The following DHX9 variants were observed in gnomAD, a reference collection of about 807,000 sequenced individuals.
DHX9 encodes DExH-box helicase 9.
A neutral mutation model predicts 148.7 loss-of-function variants in DHX9; 27 were observed. That is an observed-to-expected ratio of 0.18 (90% CI 0.13 to 0.25). DHX9 has a LOEUF of 0.25. Ranked by LOEUF, DHX9 falls within the 10% of genes least tolerant of loss-of-function variation. The pLI is 1.00. For missense variants in DHX9, 796 were observed against 1,559.6 expected (o/e 0.51, Z 8.25); for synonymous variants, 529 against 516.6 (o/e 1.02, Z -0.33).
Position 182,859,919 on chromosome 1 carries a change from T to TTA in DHX9, c.1141-73_1141-72insAT, listed in dbSNP as rs576407145. 2.2e-4 allele frequency: 323 copies of TTA among 1,473,344 alleles called. No individual in the cohort carries two copies. The East Asian group carries it at 4.8e-3, about 22-fold the overall frequency. 91.3% of individuals were successfully genotyped at this position (1,473,344 alleles called of 1,614,324 possible). On this transcript the variant is annotated intron_variant, in intron 11 of 27. Coordinates refer to ENST00000367549, the MANE Select transcript of DHX9 (RefSeq NM_001357.5). ...GCGCCCAGTCTATAGAGATGGAAGT[T>TTA]TTTTAAAGGATCAAGACAGTTGCTT... is the stretch of plus-strand genomic sequence containing the variant.
At chr1:182,883,682 A>C in intron 26 of DHX9, 47 bp downstream of exon 26, 1 of 1,341,904 alleles carries the variant, frequency 7.5e-7, no homozygotes, top group South Asian at 1.2e-5. Context: ...TTAGAATTAC[A>C]ATATGATGGA....
At chr1:182,865,314 G>A (rs1342895151) in intron 12 of DHX9, among the ~76,000 whole-genome samples, 2 of 152,168 alleles carry the variant, frequency 1.3e-5, no homozygotes, top group African/African-American at 4.8e-5. Flanking sequence ...GCAGAGCACT[G>A]TGTCTGTATC....
chr1:182,869,965 A>G (rs1648488916), intron 14 of DHX9, among the ~76,000 whole-genome samples: 1 of 152,150 alleles, frequency 6.6e-6, no homozygotes, highest in South Asian at 2.1e-4. Context: ...TACATAGAAA[A>G]CCCAAGTGCA....
At chr1:182,870,916 T>C (rs950465034) in intron 14 of DHX9, among the ~76,000 whole-genome samples, 1 of 152,198 alleles carries the variant, frequency 6.6e-6, no homozygotes, top group Non-Finnish European at 1.5e-5. Flanking sequence ...ATTTTTCTTA[T>C]GGTGTGTTCA....
chr1:182,879,477 A>G, intron 21 of DHX9, 67 bp downstream of exon 21: 1 of 1,312,706 alleles, frequency 7.6e-7, no homozygotes, highest in Non-Finnish European at 1.0e-6. Flanking sequence ...TCTGGCAGAT[A>G]ACACTTACAA....
chr1:182,878,287 T>G, intron 20 of DHX9, 114 bp downstream of exon 20: 1 of 1,207,426 alleles, frequency 8.3e-7, no homozygotes, highest in South Asian at 1.5e-5. Flanking sequence ...TTGCCAGCCA[T>G]GTTGGAATCA....
rs557057717 is a variant in DHX9 at position 182,851,252 on chromosome 1, G to T, written c.253-981G>T. On this transcript the variant is annotated intron_variant, in intron 3 of 27. Coordinates refer to ENST00000367549, the MANE Select transcript of DHX9 (RefSeq NM_001357.5). ...AGACATGTTGCTATATATATTGGCA[G>T]AAGCAAAGTGGTAATGTGAAAAAGT... 3.3e-5 allele frequency among the ~76,000 whole-genome samples: 5 copies of T among 152,294 alleles called. No individual in the cohort carries two copies. In the South Asian group the frequency reaches 1.0e-3, roughly 32 times the overall value.
At chr1:182,856,709 G>T in intron 7 of DHX9, 131 bp downstream of exon 7, 1 of 684,134 alleles carries the variant, frequency 1.5e-6, no homozygotes, top group Non-Finnish European at 2.4e-6. Context: ...AGCATCTAGG[G>T]TATATTTTAG....
chr1:182,842,133 C>T (rs1271647147), intron 1 of DHX9, among the ~76,000 whole-genome samples: 1 of 152,160 alleles, frequency 6.6e-6, no homozygotes, highest in Non-Finnish European at 1.5e-5. Flanking sequence ...TAGTTTCTTA[C>T]TTCCTGAAAA....
chr1:182,847,180 C>T (rs1668047447), intron 3 of DHX9, among the ~76,000 whole-genome samples: 1 of 152,072 alleles, frequency 6.6e-6, no homozygotes, highest in South Asian at 2.1e-4. Context: ...AAAATCCTTG[C>T]CTACTACTAC....
Position 182,883,156 on chromosome 1 carries a change from G to T in DHX9, c.2932G>T (p.Val978Leu). ...GFPEDCLLTQ[V>L]FTNTGPDNNL... ...CTTAACAGATTGTTTGTTGACACAA[G>T]TGTTTACTAACACTGGACCAGATAA... The change falls in exon 25 of 28, where the codon GTG becomes TTG. Residue 978 changes from valine (V) to leucine (L), a missense_variant. Physicochemically the swap from Val to Leu is conservative, Grantham distance 32. Coordinates refer to ENST00000367549, the MANE Select transcript of DHX9 (RefSeq NM_001357.5). 6.2e-7 allele frequency: 1 copy of T among 1,613,930 alleles called. No individual in the cohort carries two copies. The highest frequency in any genetic ancestry group is 8.5e-7 in the Non-Finnish European group (1 of 1,179,818).
In DHX9 at chr1:182,883,126, C is replaced by T. The variant is rs781460170; in HGVS notation, c.2915-13C>T. 1 of 1,595,252 alleles carries T rather than the reference C, an allele frequency of 6.3e-7. No individual in the cohort carries two copies. The highest frequency in any genetic ancestry group is 1.7e-5 in the Admixed American group (1 of 59,880). ...TTATCTGATTTTTGTTTTCACTGTG[C>T]TCCTCTTAACAGATTGTTTGTTGAC... On this transcript the variant is annotated splice_polypyrimidine_tract_variant and intron_variant, in intron 24 of 27. Coordinates refer to ENST00000367549, the MANE Select transcript of DHX9 (RefSeq NM_001357.5).
At chr1:182,886,767 C>T (rs1021238773) in intron 27 of DHX9, among the ~76,000 whole-genome samples, 2 of 152,158 alleles carry the variant, frequency 1.3e-5, no homozygotes, top group Non-Finnish European at 2.9e-5. Flanking sequence ...TTGGCAGCTC[C>T]AGGAACCCTC....
At chr1:182,859,019 T>C (rs779858668) in intron 10 of DHX9, 21 bp from the exon 11 acceptor site, 7 of 1,613,180 alleles carry the variant, frequency 4.3e-6, no homozygotes, top group Non-Finnish European at 5.9e-6. Context: ...TGTTTGACTA[T>C]GTTGGCTTTT....
chr1:182,884,947 G>C, intron 27 of DHX9, 134 bp downstream of exon 27: 1 of 768,356 alleles, frequency 1.3e-6, no homozygotes, highest in Non-Finnish European at 2.1e-6. Flanking sequence ...TATATAGATA[G>C]AGAGTTTGAT....
intron 19 of DHX9, 183 bp downstream of exon 19, chr1:182,877,086 A>C (rs1383815004): frequency 4.1e-6 from 2 of 493,036 alleles, no homozygotes; most frequent in Admixed American, 3.8e-5. Flanking sequence ...TGATTACTGC[A>C]AATCAGTTAC....
intron 3 of DHX9, among the ~76,000 whole-genome samples, chr1:182,850,320 C>T (rs79370477): frequency 0.06 from 9,091 of 151,968 alleles, 383 homozygotes; most frequent in African/African-American, 0.12. Flanking sequence ...AGAAAAATGG[C>T]GTGGTGGCTC....
At chr1:182,850,943 G>A (rs765927901) in intron 3 of DHX9, among the ~76,000 whole-genome samples, 7 of 152,088 alleles carry the variant, frequency 4.6e-5, no homozygotes, top group African/African-American at 9.7e-5. Flanking sequence ...ATTCTCATAC[G>A]TTAGGAATTT....
At chr1:182,880,471 G>C (rs1649037179) in intron 21 of DHX9, 26 bp from the exon 22 acceptor site, 6 of 1,468,184 alleles carry the variant, frequency 4.1e-6, no homozygotes, top group Non-Finnish European at 5.7e-6. Flanking sequence ...ATTTGTTTCT[G>C]CTCACAAAGA....
Sources: allele counts gnomAD v4.1 joint callset (sites outside exome capture counted in the v4.1 genomes callset), GRCh38; gene constraint gnomAD v4.1.1; transcripts MANE v1.5; gene names NCBI Gene and HGNC (gene_info 2026-07-23, HGNC 2026-07-21).